The following SPOCK1 variants were observed in gnomAD, a reference collection of about 807,000 sequenced individuals.
SPOCK1 encodes SPARC (osteonectin), cwcv and kazal like domains proteoglycan 1, also known as testican-1.
Under a neutral mutation model 55.3 loss-of-function variants are expected in SPOCK1, and 23 were observed. The ratio of observed to expected loss-of-function variants is 0.42; its 90% CI spans 0.30 to 0.59. SPOCK1 has a LOEUF of 0.59. Ranked by LOEUF, SPOCK1 falls within the 20% of genes least tolerant of loss-of-function variation. The pLI, the probability that SPOCK1 is intolerant of heterozygous loss-of-function variation, is 0.22. For missense variants in SPOCK1, 499 were observed against 552.5 expected, an observed-to-expected ratio of 0.90 and a Z score of 0.97; for synonymous variants, 226 against 221.0, an observed-to-expected ratio of 1.02 and a Z score of -0.20.
At chr5:137,218,759 G>T (rs1755766584) in intron 3 of SPOCK1, among the ~76,000 whole-genome samples, 1 of 152,126 alleles carries the variant, frequency 6.6e-6, no homozygotes, top group Admixed American at 6.5e-5. Context: ...CTACATTTAA[G>T]GTGTACAACA....
chr5:137,252,178 G>A (rs529831922), intron 3 of SPOCK1, among the ~76,000 whole-genome samples: 6 of 152,162 alleles, frequency 3.9e-5, no homozygotes, highest in South Asian at 2.1e-4. Context: ...CACCCGCCTC[G>A]GCCTCCCAAA....
intron 2 of SPOCK1, among the ~76,000 whole-genome samples, chr5:137,334,270 G>A (rs760579364): frequency 2.0e-5 from 3 of 152,170 alleles, no homozygotes; most frequent in African/African-American, 7.2e-5. Flanking sequence ...TAATAGAAGA[G>A]GTGACTTTTC....
chr5:137,221,662 A>C lies in SPOCK1; in HGVS notation c.232+45348T>G, dbSNP rs144488977. Among the ~76,000 whole-genome samples the C allele has an allele frequency of 7.4e-3, 1,123 of 152,306 alleles. 16 individuals are homozygous for C. Among genetic ancestry groups the C allele is most frequent in the African/African-American group, 0.025 (1,046 of 41,566 alleles). ...CAGCCATGAGGGTCCAAATATCAGAACCATTCATTATGATATGTGTTTAGA... is the reference window on the plus strand; with the variant it reads ...CAGCCATGAGGGTCCAAATATCAGACCCATTCATTATGATATGTGTTTAGA... On this transcript the variant is annotated intron_variant, in intron 3 of 10. Transcript: ENST00000394945.
intron 3 of SPOCK1, among the ~76,000 whole-genome samples, chr5:137,229,490 T>A (rs1202935789): frequency 6.6e-6 from 1 of 152,170 alleles, no homozygotes; most frequent in Non-Finnish European, 1.5e-5. Flanking sequence ...TATGGGAAGA[T>A]GACACTCTCA....
intron 2 of SPOCK1, among the ~76,000 whole-genome samples, chr5:137,292,185 TGTAACCATGA>T (rs1757382442): frequency 6.6e-6 from 1 of 152,008 alleles, no homozygotes; most frequent in Admixed American, 6.6e-5. Context: ...TTCATTCATG[TGTAACCATGA>T]GAATCCTAAC....
intron 3 of SPOCK1, among the ~76,000 whole-genome samples, chr5:137,153,873 C>CA (rs1477384778): frequency 1.4e-5 from 2 of 144,204 alleles, no homozygotes; most frequent in African/African-American, 2.6e-5. Flanking sequence ...AACAAAAAAA[C>CA]AAAAAAAGAA....
intron 6 of SPOCK1, among the ~76,000 whole-genome samples, chr5:137,027,419 T>G (rs898041175): frequency 4.6e-5 from 7 of 152,208 alleles, no homozygotes; most frequent in African/African-American, 1.2e-4. Flanking sequence ...AGTAATCCCC[T>G]GCCCTGTCCC....
chr5:137,020,933 C>T (rs1751552781), intron 6 of SPOCK1, among the ~76,000 whole-genome samples: 1 of 152,096 alleles, frequency 6.6e-6, no homozygotes, highest in African/African-American at 2.4e-5. Flanking sequence ...ATAACCAGAA[C>T]TTTCATGCAC....
At chr5:137,179,650 T>C (rs1044413120) in intron 3 of SPOCK1, among the ~76,000 whole-genome samples, 7 of 152,104 alleles carry the variant, frequency 4.6e-5, no homozygotes, top group Admixed American at 3.9e-4. Context: ...TTGCTCTATC[T>C]CCAGCAGAGA....
chr5:137,432,392 A>G (rs1402077612), intron 2 of SPOCK1, among the ~76,000 whole-genome samples: 2 of 146,458 alleles, frequency 1.4e-5, no homozygotes, highest in African/African-American at 2.6e-5. Flanking sequence ...TTTTAAATGT[A>G]GTATATAATA....
In SPOCK1 at chr5:137,290,725, G is replaced by C. The variant is rs180736962; in HGVS notation, c.187-23670C>G. ...AAAGAAATACTCTGAGCCAGAAAAAGGTATTTCCAGGGAAACCTTCATATG... is the reference window on the plus strand; with the variant it reads ...AAAGAAATACTCTGAGCCAGAAAAACGTATTTCCAGGGAAACCTTCATATG... On this transcript the variant is annotated intron_variant, in intron 2 of 10. Coordinates refer to ENST00000394945, the MANE Select transcript of SPOCK1 (RefSeq NM_004598.4). Among the ~76,000 whole-genome samples the C allele has an allele frequency of 6.0e-4, 91 of 152,264 alleles. No individual in the cohort carries two copies. In the East Asian group the frequency reaches 0.017, roughly 28 times the overall value.
At chr5:137,330,867 T>C (rs1405997262) in intron 2 of SPOCK1, among the ~76,000 whole-genome samples, 2 of 152,254 alleles carry the variant, frequency 1.3e-5, no homozygotes, top group Admixed American at 1.3e-4. Flanking sequence ...ATTTATTGAA[T>C]ACCTATTATA....
chr5:137,407,919 G>A (rs997299360), intron 2 of SPOCK1, among the ~76,000 whole-genome samples: 1 of 152,084 alleles, frequency 6.6e-6, no homozygotes, highest in African/African-American at 2.4e-5. Context: ...GCCCTGCAGG[G>A]TCTATGCTTG....
chr5:137,101,677 G>A (rs995457105), intron 5 of SPOCK1, among the ~76,000 whole-genome samples: 3 of 152,154 alleles, frequency 2.0e-5, no homozygotes, highest in South Asian at 2.1e-4. Context: ...CACAATGGAC[G>A]ATGTCTGAAC....
At chr5:137,104,084 A>G (rs1753317899) in intron 5 of SPOCK1, among the ~76,000 whole-genome samples, 1 of 152,182 alleles carries the variant, frequency 6.6e-6, no homozygotes, top group Admixed American at 6.5e-5. Context: ...TATGGTTTGG[A>G]TCTGTGTTCC....
intron 3 of SPOCK1, among the ~76,000 whole-genome samples, chr5:137,164,319 G>A (rs777103329): frequency 5.3e-5 from 8 of 152,002 alleles, no homozygotes; most frequent in South Asian, 2.1e-4. Flanking sequence ...GCTCTTGGAC[G>A]ACACTTCTAG....
intron 5 of SPOCK1, among the ~76,000 whole-genome samples, chr5:137,101,379 A>G (rs1179921061): frequency 6.6e-6 from 1 of 152,210 alleles, no homozygotes; most frequent in Non-Finnish European, 1.5e-5. Context: ...TGTTCAGGTA[A>G]TTGCTTTATC....
At chr5:137,463,400 G>C (rs1163870538) in intron 2 of SPOCK1, among the ~76,000 whole-genome samples, 3 of 152,104 alleles carry the variant, frequency 2.0e-5, no homozygotes, top group Non-Finnish European at 4.4e-5. Flanking sequence ...AGTGAAATAA[G>C]CCAGGCACAG....
At chr5:137,332,186 G>A (rs1435474875) in intron 2 of SPOCK1, among the ~76,000 whole-genome samples, 1 of 151,564 alleles carries the variant, frequency 6.6e-6, no homozygotes, top group East Asian at 1.9e-4. Context: ...TTCCTCCTGG[G>A]ATCCCCACCC....
Sources: allele counts gnomAD v4.1 joint callset (sites outside exome capture counted in the v4.1 genomes callset), GRCh38; gene constraint gnomAD v4.1.1; transcripts MANE v1.5; gene names NCBI Gene and HGNC (gene_info 2026-07-23, HGNC 2026-07-21).